The following CADM2 variants were observed in gnomAD, a reference collection of about 807,000 sequenced individuals.
CADM2 encodes the protein immunoglobulin superfamily member 4D.
CADM2 carries 12 observed loss-of-function variants against 49.8 expected under a neutral mutation model. The ratio of observed to expected loss-of-function variants is 0.24; its 90% CI spans 0.15 to 0.39. The LOEUF (loss-of-function observed/expected upper bound fraction) is 0.39, where lower values mean the gene tolerates loss of function less well. CADM2 is among the 10% of genes least tolerant of loss of function. The pLI, the probability that CADM2 is intolerant of heterozygous loss-of-function variation, is 1.00. For synonymous variants in CADM2, 214 were observed against 175.4 expected (o/e 1.22, Z -1.74); for missense variants, 378 against 492.3 (o/e 0.77, Z 2.20).
At chr3:85,513,731 T>A (rs1283970310) in intron 1 of CADM2, among the ~76,000 whole-genome samples, 1 of 152,020 alleles carries the variant, frequency 6.6e-6, no homozygotes, top group East Asian at 1.9e-4. Context: ...CTAGACTGCA[T>A]GATATATGTT....
chr3:85,579,536 T>C (rs188521925), intron 1 of CADM2, among the ~76,000 whole-genome samples: 3 of 152,308 alleles, frequency 2.0e-5, no homozygotes, highest in African/African-American at 7.2e-5. Context: ...TGCTTAATGA[T>C]AGAGTCAAGT....
intron 1 of CADM2, among the ~76,000 whole-genome samples, chr3:85,515,108 G>T (rs1022557651): frequency 2.0e-5 from 3 of 152,016 alleles, no homozygotes; most frequent in Non-Finnish European, 4.4e-5. Flanking sequence ...TTAATTTCTT[G>T]TTAACTCAAT....
chr3:85,231,328 T>A (rs1445268861), intron 1 of CADM2, among the ~76,000 whole-genome samples: 1 of 152,190 alleles, frequency 6.6e-6, no homozygotes, highest in East Asian at 1.9e-4. Context: ...AGCTATGACA[T>A]TGCTATGTGG....
chr3:85,248,305 C>T (rs993360451), intron 1 of CADM2, among the ~76,000 whole-genome samples: 9 of 151,968 alleles, frequency 5.9e-5, no homozygotes, highest in Admixed American at 3.9e-4. Context: ...GACAGAGTCT[C>T]GCTCGGTCGC....
At chr3:85,141,341 A>T (rs553654289) in intron 1 of CADM2, among the ~76,000 whole-genome samples, 13 of 152,270 alleles carry the variant, frequency 8.5e-5, no homozygotes, top group African/African-American at 3.1e-4. Flanking sequence ...TCCTGATGGG[A>T]TACAAATTTG....
chr3:85,375,376 A>C (rs1408715748), intron 1 of CADM2, among the ~76,000 whole-genome samples: 1 of 152,196 alleles, frequency 6.6e-6, no homozygotes, highest in East Asian at 1.9e-4. Context: ...CAAGAATTGT[A>C]GAGGTGTTGA....
intron 1 of CADM2, among the ~76,000 whole-genome samples, chr3:85,537,724 G>T (rs549076278): frequency 2.0e-5 from 3 of 149,446 alleles, no homozygotes; most frequent in African/African-American, 7.3e-5. Flanking sequence ...TTTAATAATA[G>T]TATCCCTTCT....
In CADM2 at chr3:85,018,926, G is replaced by A. The variant is rs539716033; in HGVS notation, c.61+59258G>A. On this transcript the variant is annotated intron_variant, in intron 1 of 9. Transcript: ENST00000383699. ...AGACAGCTATTCAGGACCCCAGGCTGTTTCCACTTTGTGCCTGTTGTGATC... is the reference window on the plus strand; with the variant it reads ...AGACAGCTATTCAGGACCCCAGGCTATTTCCACTTTGTGCCTGTTGTGATC... Among the ~76,000 whole-genome samples the A allele has an allele frequency of 2.0e-5, 3 of 152,212 alleles. No individual in the cohort carries two copies. In the South Asian group the frequency reaches 6.2e-4, roughly 32 times the overall value.
chr3:85,145,850 C>T (rs2039722541), intron 1 of CADM2, among the ~76,000 whole-genome samples: 1 of 151,936 alleles, frequency 6.6e-6, no homozygotes, highest in Non-Finnish European at 1.5e-5. Flanking sequence ...AAGTTATTTC[C>T]CCATGATCCA....
At chr3:85,605,040 G>A (rs779889859) in intron 1 of CADM2, among the ~76,000 whole-genome samples, 41 of 151,978 alleles carry the variant, frequency 2.7e-4, no homozygotes, top group Non-Finnish European at 5.2e-4. Context: ...AGCCTAATAA[G>A]TAGAACATTG....
chr3:85,188,714 A>G (rs746817545), intron 1 of CADM2, among the ~76,000 whole-genome samples: 1 of 152,094 alleles, frequency 6.6e-6, no homozygotes, highest in East Asian at 1.9e-4. Flanking sequence ...CCTTGATATT[A>G]TATCATTTAA....
At chr3:85,310,886 A>G (rs986835291) in intron 1 of CADM2, among the ~76,000 whole-genome samples, 2 of 152,198 alleles carry the variant, frequency 1.3e-5, no homozygotes, top group African/African-American at 4.8e-5. Flanking sequence ...AAATATATGT[A>G]TTATATAGCC....
chr3:85,800,014 C>G (rs1237275759), intron 2 of CADM2: 1 of 152,300 alleles, frequency 6.6e-6, no homozygotes, highest in African/African-American at 2.4e-5. Context: ...GGCTCTGTCT[C>G]AGGAAGATGG....
chr3:85,766,576 C>G (rs2069666979), intron 2 of CADM2, among the ~76,000 whole-genome samples: 1 of 152,210 alleles, frequency 6.6e-6, no homozygotes, highest in Non-Finnish European at 1.5e-5. Flanking sequence ...CAAGAGACTC[C>G]TGTACACATT....
chr3:85,066,117 A>T (rs1403342740), intron 1 of CADM2, among the ~76,000 whole-genome samples: 2 of 152,168 alleles, frequency 1.3e-5, no homozygotes, highest in East Asian at 1.9e-4. Flanking sequence ...GACACAGAGC[A>T]ACCTACTTCA....
At chr3:85,712,315 A>T (rs1273505625) in intron 1 of CADM2, among the ~76,000 whole-genome samples, 2 of 152,180 alleles carry the variant, frequency 1.3e-5, no homozygotes, top group African/African-American at 4.8e-5. Flanking sequence ...TTGCTTCCAC[A>T]TGTGAAATAC....
intron 1 of CADM2, among the ~76,000 whole-genome samples, chr3:85,055,206 A>G (rs1232816615): frequency 6.6e-6 from 1 of 151,966 alleles, no homozygotes; most frequent in African/African-American, 2.4e-5. Context: ...TAAATGAGAA[A>G]GAACTATGTA....
intron 2 of CADM2, among the ~76,000 whole-genome samples, chr3:85,752,545 T>G (rs2107865531): frequency 6.6e-6 from 1 of 151,968 alleles, no homozygotes; most frequent in South Asian, 2.1e-4. Context: ...CAGGTCAGCA[T>G]GTGGGATTTG....
intron 1 of CADM2, among the ~76,000 whole-genome samples, chr3:85,467,159 G>GT (rs1559854810): frequency 6.6e-6 from 1 of 152,090 alleles, no homozygotes; most frequent in South Asian, 2.1e-4. Context: ...GAATTAGTCA[G>GT]TTAAAAACAA....
Sources: gnomAD v4.1 joint callset for allele counts (sites outside exome capture counted in the v4.1 genomes callset) on GRCh38, gnomAD v4.1.1 for gene constraint, MANE v1.5 for transcripts, NCBI Gene and HGNC (gene_info 2026-07-23, HGNC 2026-07-21) for gene names.